The following ESF1 variants were observed in gnomAD, a reference collection of about 807,000 sequenced individuals.
ESF1 encodes ESF1 homolog.
In ESF1, 58 loss-of-function variants were observed where a neutral mutation model predicts 92.0. The ratio of observed to expected loss-of-function variants is 0.63; its 90% CI spans 0.51 to 0.78. The LOEUF (loss-of-function observed/expected upper bound fraction) is 0.78, where lower values mean the gene tolerates loss of function less well. ESF1 is among the 30% of genes least tolerant of loss of function. The pLI, the probability that ESF1 is intolerant of heterozygous loss-of-function variation, is 0.00. For missense variants in ESF1, 922 were observed against 989.1 expected, an observed-to-expected ratio of 0.93 and a Z score of 0.91; for synonymous variants, 321 against 313.7, an observed-to-expected ratio of 1.02 and a Z score of -0.24.
At position 13,732,401 on chromosome 20, in the gene ESF1, C is replaced by G. The variant is rs565384229; in HGVS notation, c.1950+1320G>C. On this transcript the variant is annotated intron_variant, in intron 10 of 13. Coordinates refer to ENST00000617257, the MANE Select transcript of ESF1 (RefSeq NM_001276380.2). ...ATTTTACTATCCATTTCCACAAACA[C>G]TGACTACAATAGAAGTATAAAAATT... 1.2e-4 allele frequency among the ~76,000 whole-genome samples: 18 copies of G among 152,316 alleles called. No homozygotes were observed. In the East Asian group the frequency reaches 2.7e-3, roughly 23 times the overall value.
chr20:13,746,275 T>C (rs1600277811), intron 9 of ESF1, among the ~76,000 whole-genome samples: 1 of 152,232 alleles, frequency 6.6e-6, no homozygotes, highest in East Asian at 1.9e-4. Context: ...CATTTTATTT[T>C]TCTTTAAACT....
At chr20:13,722,808 A>AGT (rs1182689396) in intron 11 of ESF1, among the ~76,000 whole-genome samples, 2 of 151,862 alleles carry the variant, frequency 1.3e-5, no homozygotes, top group Non-Finnish European at 2.9e-5. Context: ...GAGCCATAAT[A>AGT]GCACCACTGT....
intron 7 of ESF1, among the ~76,000 whole-genome samples, chr20:13,767,200 GC>G (rs1979467768): frequency 6.6e-6 from 1 of 152,054 alleles, no homozygotes; most frequent in African/African-American, 2.4e-5. Flanking sequence ...TAATTACGGT[GC>G]AAAAAAACTA....
At chr20:13,728,331 T>C (rs779201291) in intron 11 of ESF1, 47 bp downstream of exon 11, 1 of 1,450,822 alleles carries the variant, frequency 6.9e-7, no homozygotes, top group South Asian at 1.2e-5. Context: ...GTACCTCACC[T>C]TTTTCTTTAG....
At chr20:13,781,676 G>A (rs1028993009) in intron 2 of ESF1, among the ~76,000 whole-genome samples, 2 of 152,322 alleles carry the variant, frequency 1.3e-5, no homozygotes, top group Non-Finnish European at 2.9e-5. Flanking sequence ...GGAGCTCTGT[G>A]TGTCCAGAGA....
chr20:13,744,168 T>A (rs549433050), intron 9 of ESF1, among the ~76,000 whole-genome samples: 1 of 152,224 alleles, frequency 6.6e-6, no homozygotes, highest in African/African-American at 2.4e-5. Flanking sequence ...ACTCCAATTA[T>A]GTACACCAGA....
intron 8 of ESF1, among the ~76,000 whole-genome samples, chr20:13,762,594 G>A (rs8126020): frequency 0.073 from 11,051 of 152,012 alleles, 438 homozygotes; most frequent in Non-Finnish European, 0.087. Context: ...CCCAATTCAA[G>A]GACACTAGTT....
intron 2 of ESF1, among the ~76,000 whole-genome samples, chr20:13,778,370 C>A (rs1980035955): frequency 6.6e-6 from 1 of 151,754 alleles, no homozygotes; most frequent in Non-Finnish European, 1.5e-5. Context: ...AAGCAACAAG[C>A]TTAGAAATAA....
intron 9 of ESF1, among the ~76,000 whole-genome samples, chr20:13,747,163 C>CT (rs1401485412): frequency 3.3e-5 from 5 of 151,842 alleles, no homozygotes; most frequent in Admixed American, 2.6e-4. Context: ...AAGGTTTACT[C>CT]TTTCAACTTT....
intron 8 of ESF1, among the ~76,000 whole-genome samples, chr20:13,761,997 T>C (rs1369650315): frequency 6.6e-6 from 1 of 152,232 alleles, no homozygotes; most frequent in Non-Finnish European, 1.5e-5. Context: ...TGTCTGACAT[T>C]ATTAAGCATT....
At chr20:13,775,504 A>G (rs1289288481) in intron 3 of ESF1, among the ~76,000 whole-genome samples, 1 of 152,210 alleles carries the variant, frequency 6.6e-6, no homozygotes, top group Non-Finnish European at 1.5e-5. Context: ...AAATCAGAAC[A>G]TGATCATGAG....
intron 9 of ESF1, among the ~76,000 whole-genome samples, chr20:13,739,762 C>G (rs2049999112): frequency 1.3e-5 from 2 of 148,722 alleles, no homozygotes; most frequent in African/African-American, 5.0e-5. Context: ...AAATATCAAA[C>G]TAGATTAGAA....
Position 13,776,241 on chromosome 20 carries a change from C to T in ESF1, c.667G>A (p.Asp223Asn). 2 of 1,613,238 alleles carry T rather than the reference C, an allele frequency of 1.2e-6. No homozygotes were observed. Among genetic ancestry groups the T allele is most frequent in the Non-Finnish European group, 1.7e-6 (2 of 1,179,764 alleles). ...VVQLIMTRDS[D>N]GYENSTDGEM... ...CCATCTGTTGAGTTTTCATAACCATCACTGTCTCTTGTCATTATGAGTTGA... is the reference window on the plus strand; with the variant it reads ...CCATCTGTTGAGTTTTCATAACCATTACTGTCTCTTGTCATTATGAGTTGA... Residue 223 changes from aspartate to asparagine, a missense_variant, in exon 3 of 14, where the codon GAT (aspartate) becomes AAT (asparagine). Physicochemically the swap from Asp to Asn is conservative, Grantham distance 23. Coordinates refer to ENST00000617257, the MANE Select transcript of ESF1 (RefSeq NM_001276380.2).
chr20:13,716,362 G>A (rs1475258402), intron 13 of ESF1, among the ~76,000 whole-genome samples: 2 of 152,124 alleles, frequency 1.3e-5, no homozygotes, highest in Non-Finnish European at 2.9e-5. Flanking sequence ...GGCTTACTGC[G>A]CTGGCCACTG....
At chr20:13,749,204 T>C (rs1220827119) in intron 9 of ESF1, among the ~76,000 whole-genome samples, 1 of 150,586 alleles carries the variant, frequency 6.6e-6, no homozygotes, top group Non-Finnish European at 1.5e-5. Context: ...TAGCTTGGAT[T>C]ACAGGCACCT....
At chr20:13,756,841 C>T (rs761533098) in intron 9 of ESF1, among the ~76,000 whole-genome samples, 7 of 152,100 alleles carry the variant, frequency 4.6e-5, no homozygotes, top group Non-Finnish European at 8.8e-5. Context: ...CATTTCTAGG[C>T]TGGGAGAGAT....
chr20:13,771,331 C>T lies in ESF1; in HGVS notation c.1403G>A (p.Arg468Lys). Residue 468 changes from arginine (R) to lysine (K), a missense_variant and splice_region_variant, in exon 6 of 14, where the codon AGG becomes AAG. Physicochemically the swap from Arg to Lys is conservative, Grantham distance 26. Transcript: ENST00000617257. ...FESSCSFIDLRFIPDDITFDD... is the reference protein window; with the variant it reads ...FESSCSFIDLKFIPDDITFDD... ...ATTGGTAATACATACACTGGATTACCTTAGATCTATGAAAGAACAACTACT... is the reference window on the plus strand; with the variant it reads ...ATTGGTAATACATACACTGGATTACTTTAGATCTATGAAAGAACAACTACT... 1 of 1,610,912 alleles carries T rather than the reference C, an allele frequency of 6.2e-7. No homozygotes were observed. Among genetic ancestry groups the T allele is most frequent in the Non-Finnish European group, 8.5e-7 (1 of 1,179,056 alleles).
intron 7 of ESF1, 121 bp downstream of exon 7, chr20:13,769,786 A>C: frequency 2.7e-6 from 2 of 734,098 alleles, no homozygotes; most frequent in Non-Finnish European, 4.6e-6. Flanking sequence ...ACTCTGTCTC[A>C]AGAAAAAATA....
chr20:13,782,156 G>A (rs1276187052), intron 2 of ESF1, among the ~76,000 whole-genome samples: 1 of 152,120 alleles, frequency 6.6e-6, no homozygotes, highest in Non-Finnish European at 1.5e-5. Flanking sequence ...GGGATTACAG[G>A]CGTGAGCCAC....
Sources: gnomAD v4.1 joint callset for allele counts (sites outside exome capture counted in the v4.1 genomes callset) on GRCh38, gnomAD v4.1.1 for gene constraint, MANE v1.5 for transcripts, NCBI Gene and HGNC (gene_info 2026-07-23, HGNC 2026-07-21) for gene names.